Variants in PRMT2 observed in about 807,000 individuals in gnomAD.
PRMT2 encodes protein arginine N-methyltransferase 2.
A neutral mutation model predicts 57.6 loss-of-function variants in PRMT2; 26 were observed. That is an observed-to-expected ratio of 0.45 (90% confidence interval 0.33 to 0.63). PRMT2 has a LOEUF of 0.63. Ranked by LOEUF, PRMT2 falls within the 20% of genes least tolerant of loss-of-function variation. PRMT2 has a pLI of 0.02. For synonymous variants in PRMT2, 219 were observed against 220.0 expected (o/e 1.00, Z 0.04); for missense variants, 472 against 564.4 (o/e 0.84, Z 1.66).
At chr21:46,641,922 C>T (rs542368626) in intron 3 of PRMT2, among the ~76,000 whole-genome samples, 5 of 151,654 alleles carry the variant, frequency 3.3e-5, no homozygotes, top group Non-Finnish European at 4.4e-5. Flanking sequence ...GGGAAAAGCA[C>T]GAAGGGTACA....
chr21:46,652,875 G>A, intron 7 of PRMT2: 1 of 1,302,460 alleles, frequency 7.7e-7, no homozygotes, highest in Non-Finnish European at 1.0e-6. Context: ...TTCTCCTGAG[G>A]CCACGCCACG....
At chr21:46,640,878 A>G (rs2061260261) in intron 3 of PRMT2, among the ~76,000 whole-genome samples, 1 of 149,546 alleles carries the variant, frequency 6.7e-6, no homozygotes, top group South Asian at 2.1e-4. Flanking sequence ...TTTGTGCTTC[A>G]GTTTGGAAAA....
chr21:46,643,373 G>T, intron 3 of PRMT2, 162 bp from the exon 4 acceptor site: 1 of 1,215,430 alleles, frequency 8.2e-7, no homozygotes, highest in East Asian at 3.2e-5. Flanking sequence ...GAAGGTGACA[G>T]CCTTTGATTA....
At chr21:46,638,540 G>A (rs2061215221) in intron 3 of PRMT2, among the ~76,000 whole-genome samples, 1 of 152,232 alleles carries the variant, frequency 6.6e-6, no homozygotes, top group Admixed American at 6.5e-5. Flanking sequence ...ACTGGATAAT[G>A]ATCAGTTGTT....
intron 5 of PRMT2, among the ~76,000 whole-genome samples, chr21:46,647,970 C>CT (rs34679410): frequency 6.7e-4 from 100 of 149,116 alleles, no homozygotes; most frequent in Middle Eastern, 3.5e-3. Context: ...TCCAGCAGTT[C>CT]TTTTTTTTTT....
At chr21:46,656,210 C>T (rs879845565) in intron 7 of PRMT2, among the ~76,000 whole-genome samples, 5 of 152,212 alleles carry the variant, frequency 3.3e-5, no homozygotes, top group Admixed American at 3.3e-4. Context: ...GTGGTCTCTG[C>T]ACGTGCCAGC....
chr21:46,653,186 G>A (rs1461548564), intron 7 of PRMT2: 7 of 985,366 alleles, frequency 7.1e-6, no homozygotes, highest in Non-Finnish European at 7.2e-6. Flanking sequence ...AAGAAACAAA[G>A]TAACTGCTGA....
In PRMT2 at chr21:46,636,930, T is replaced by C. The variant is rs746414688; in HGVS notation, c.-22T>C. 5.0e-6 allele frequency: 8 copies of C among 1,609,296 alleles called. No homozygotes were observed. The highest frequency in any genetic ancestry group is 6.8e-6 in the Non-Finnish European group (8 of 1,178,122). On this transcript the variant is annotated 5_prime_UTR_variant, in exon 3 of 12. It removes an upstream start codon present in the reference 5' UTR. Transcript: ENST00000355680. ...AGAAAATGAAATAAATCAGCAGTTA[T>C]GAGGCAGAGCCTAAGAGAACTATGG...
At position 46,636,889 on chromosome 21, in the gene PRMT2, A is replaced by G. The variant is rs2061181676; in HGVS notation, c.-56-7A>G. 6.5e-7 allele frequency: 1 copy of G among 1,546,192 alleles called. No homozygotes were observed. The highest frequency in any genetic ancestry group is 1.4e-5 in the African/African-American group (1 of 72,622). On this transcript the variant is annotated splice_region_variant and splice_polypyrimidine_tract_variant and intron_variant, in intron 2 of 11. Transcript: ENST00000355680. ...TACTTTGTGTCTCCTTCTCTTTTTA[A>G]AAGTAGAAATGGAAAAGAAAATGAA... is the stretch of plus-strand genomic sequence containing the variant.
intron 8 of PRMT2, chr21:46,660,174 T>C: frequency 2.0e-6 from 2 of 979,140 alleles, no homozygotes; most frequent in Non-Finnish European, 2.4e-6. Flanking sequence ...GCTTATTTTT[T>C]ACAACATTTC....
Position 46,663,378 on chromosome 21 carries a change from T to TGCAG in PRMT2, c.1098-4_1098-1dup. 1 of 1,608,156 alleles carries TGCAG rather than the reference T, an allele frequency of 6.2e-7. No homozygotes were observed. The highest frequency in any genetic ancestry group is 8.5e-7 in the Non-Finnish European group (1 of 1,175,542). On this transcript the variant is annotated splice_polypyrimidine_tract_variant and splice_region_variant and intron_variant, in intron 10 of 11. Coordinates refer to ENST00000355680, the MANE Select transcript of PRMT2 (RefSeq NM_206962.4). ...CTCCAGGTCACACGCACCCCTGTCTTGCAGCACCACACACTGGAAGCAGAC... is the reference window on the plus strand; with the variant it reads ...CTCCAGGTCACACGCACCCCTGTCTTGCAGGCAGCACCACACACTGGAAGCAGAC...
At chr21:46,643,311 G>A (rs1297370256) in intron 3 of PRMT2, 8 of 836,590 alleles carry the variant, frequency 9.6e-6, no homozygotes, top group Admixed American at 4.5e-5. Context: ...TTGCTTTGAT[G>A]TTCTCTTTTA....
Position 46,649,317 on chromosome 21 carries a change from C to T in PRMT2, c.490-258C>T, listed in dbSNP as rs757952725. Among the ~76,000 whole-genome samples, 6 of 152,208 alleles carry T rather than the reference C, an allele frequency of 3.9e-5. No individual in the cohort carries two copies. The highest frequency in any genetic ancestry group is 8.8e-5 in the Non-Finnish European group (6 of 68,024). On this transcript the variant is annotated intron_variant, in intron 6 of 11. Coordinates refer to ENST00000355680, the MANE Select transcript of PRMT2 (RefSeq NM_206962.4). This position sits in a 1 kb window ranked among gnomAD's most constrained non-coding sequence, Gnocchi z 4.8. The stretch of plus-strand genomic sequence containing the variant: ...GCGTGTGGCAGCCGGCTCGGGCATG[C>T]GAGTCTTCCATCCACTTGCAGCCCT...
Position 46,646,789 on chromosome 21 carries a change from T to C in PRMT2, c.328-1669T>C, listed in dbSNP as rs144910671. On this transcript the variant is annotated intron_variant, in intron 5 of 11. Coordinates refer to ENST00000355680, the MANE Select transcript of PRMT2 (RefSeq NM_206962.4). Reference sequence around the variant, plus strand: ...TGCCAGTTCGCCCTCCAGAAAGATTTGCTAATTATACACTTGGTCTGTTTG... The same window carrying C: ...TGCCAGTTCGCCCTCCAGAAAGATTCGCTAATTATACACTTGGTCTGTTTG... Among the ~76,000 whole-genome samples the C allele has an allele frequency of 2.8e-3, 420 of 152,300 alleles. 4 individuals carry two copies. The highest frequency in any genetic ancestry group is 9.5e-3 in the African/African-American group (395 of 41,558).
chr21:46,644,521 C>T (rs915982054), intron 5 of PRMT2, 33 bp downstream of exon 5: 2 of 1,551,794 alleles, frequency 1.3e-6, no homozygotes, highest in Non-Finnish European at 1.7e-6. Context: ...TTCAGCTGGC[C>T]AGGCGGTGGG....
chr21:46,663,575 A>G lies in PRMT2; in HGVS notation c.1269+21A>G, dbSNP rs769568371. 89 of 1,607,906 alleles carry G rather than the reference A, an allele frequency of 5.5e-5. No homozygotes were observed. In the Admixed American group the frequency reaches 1.2e-3, roughly 22 times the overall value. On this transcript the variant is annotated intron_variant, in intron 11 of 11. Transcript: ENST00000355680. ...AAAAAGTAAGATACGTAGTTGTAAG[A>G]TTCTGTCCTGTGGGTGCCGGTCCTC...
intron 7 of PRMT2, chr21:46,654,976 CAA>C: frequency 1.0e-6 from 1 of 956,966 alleles, no homozygotes; most frequent in Non-Finnish European, 1.2e-6. Flanking sequence ...TGAAATGGAC[CAA>C]TTCTTTTGAA....
Position 46,648,491 on chromosome 21 carries a change from C to A in PRMT2, c.361C>A (p.Arg121=). The stretch of plus-strand genomic sequence containing the variant: ...CTTGGAGATGTTGGCAGACCAGCCA[C>A]GAACAACTAAATACCACAGTGTCAT... The part of the protein sequence containing the change: ...LHLEMLADQP[R]TTKYHSVILQ... The change falls in exon 6 of 12, where the codon CGA becomes AGA. Residue 121 remains arginine (R), a synonymous_variant. Transcript: ENST00000355680. The surrounding 1 kb of genome is among the most constrained non-coding windows in gnomAD (Gnocchi z 4.8). The A allele has an allele frequency of 6.2e-7, 1 of 1,614,162 alleles. No individual in the cohort carries two copies. Among genetic ancestry groups the A allele is most frequent in the East Asian group, 2.2e-5 (1 of 44,886 alleles).
At chr21:46,658,130 A>G (rs1234924158) in intron 7 of PRMT2, 1 of 152,292 alleles carries the variant, frequency 6.6e-6, no homozygotes. Context: ...TGCTCCCTCT[A>G]CTCCTTTCTG....
Sources: gnomAD v4.1 joint callset for allele counts (sites outside exome capture counted in the v4.1 genomes callset) on GRCh38, gnomAD v4.1.1 for gene constraint, Gnocchi (gnomAD v3.1) non-coding constraint, MANE v1.5 for transcripts, NCBI Gene and HGNC (gene_info 2026-07-23, HGNC 2026-07-21) for gene names.